Variants in WWOX observed in about 807,000 individuals in gnomAD.
The protein encoded by WWOX is WW domain containing oxidoreductase.
A neutral mutation model predicts 46.2 loss-of-function variants in WWOX; 69 were observed. That is an observed-to-expected ratio of 1.49 (90% CI 1.23 to 1.82). WWOX has a LOEUF of 1.82. Ranked by LOEUF, WWOX falls within the 40% of genes most tolerant of loss-of-function variation. The pLI is 0.00. For synonymous variants in WWOX, 359 were observed against 202.6 expected, an observed-to-expected ratio of 1.77 and a Z score of -6.56; for missense variants, 919 against 542.6, an observed-to-expected ratio of 1.69 and a Z score of -6.89.
chr16:78,846,307 G>A (rs553798611), intron 8 of WWOX, among the ~76,000 whole-genome samples: 1 of 152,126 alleles, frequency 6.6e-6, no homozygotes, highest in South Asian at 2.1e-4. Flanking sequence ...GACTATAACT[G>A]ACCAACAGAC....
chr16:78,831,113 C>G lies in WWOX; in HGVS notation c.1057-380495C>G, dbSNP rs190401171. On this transcript the variant is annotated intron_variant, in intron 8 of 8. Transcript: ENST00000566780. ...CTAGCCCTCCAGAGCTTGCAGCTAT[C>G]ACAGCCTGGCTGGTGGAGGGGCTTG... Among the ~76,000 whole-genome samples, 197 of 152,290 alleles carry G rather than the reference C, an allele frequency of 1.3e-3. 2 individuals are homozygous for G. The East Asian group carries it at 0.02, about 16-fold the overall frequency.
chr16:78,696,957 C>T (rs1184323957), intron 8 of WWOX, among the ~76,000 whole-genome samples: 1 of 152,070 alleles, frequency 6.6e-6, no homozygotes, highest in Non-Finnish European at 1.5e-5. Context: ...GAATAATGGT[C>T]TCCAGTCCCA....
intron 8 of WWOX, among the ~76,000 whole-genome samples, chr16:78,490,432 C>G: frequency 6.6e-6 from 1 of 152,132 alleles, no homozygotes; most frequent in Non-Finnish European, 1.5e-5. Flanking sequence ...CTTTGGTGCT[C>G]GTAATTGGTG....
intron 8 of WWOX, among the ~76,000 whole-genome samples, chr16:79,107,541 A>G (rs2049335048): frequency 6.6e-6 from 1 of 152,172 alleles, no homozygotes; most frequent in African/African-American, 2.4e-5. Flanking sequence ...TTCACTTTTT[A>G]TCTTTTGGAT....
At chr16:78,616,809 C>T (rs79814385) in intron 8 of WWOX, among the ~76,000 whole-genome samples, 2,588 of 152,164 alleles carry the variant, frequency 0.017, 63 homozygotes, top group African/African-American at 0.059. Context: ...ACTAACCCTA[C>T]TCAGGAAGCC....
chr16:78,335,571 A>G (rs1475387061), intron 5 of WWOX, among the ~76,000 whole-genome samples: 2 of 152,158 alleles, frequency 1.3e-5, no homozygotes, highest in East Asian at 3.8e-4. Context: ...GTGAAATACC[A>G]TTTGACCCAG....
rs548025492 is a variant in WWOX, at chr16:78,540,931, C to T, written c.1056+108179C>T. Among the ~76,000 whole-genome samples the T allele has an allele frequency of 1.1e-3, 175 of 152,264 alleles. 1 individual carries two copies. Among genetic ancestry groups the T allele is most frequent in the South Asian group, 3.3e-3 (16 of 4,822 alleles). On this transcript the variant is annotated intron_variant, in intron 8 of 8. Transcript: ENST00000566780. ...GAACTCCTGGCTTCAAGTGATCCTC[C>T]TGCCTTGAGCTCCCGAAGCGCTGGG...
At chr16:78,609,985 A>G (rs962052770) in intron 8 of WWOX, among the ~76,000 whole-genome samples, 11 of 145,328 alleles carry the variant, frequency 7.6e-5, no homozygotes, top group African/African-American at 2.8e-4. Context: ...CCTTTAAGTA[A>G]CAGTGACGCA....
At chr16:78,980,236 T>C (rs1420867536) in intron 8 of WWOX, among the ~76,000 whole-genome samples, 2 of 152,218 alleles carry the variant, frequency 1.3e-5, no homozygotes, top group Non-Finnish European at 2.9e-5. Flanking sequence ...TTTTTAAATC[T>C]TTGCTGTGAA....
chr16:78,234,056 T>C (rs1287966653), intron 5 of WWOX, among the ~76,000 whole-genome samples: 2 of 152,118 alleles, frequency 1.3e-5, no homozygotes, highest in Non-Finnish European at 2.9e-5. Context: ...GGGACCAGCA[T>C]TTTAATTACC....
intron 8 of WWOX, among the ~76,000 whole-genome samples, chr16:78,615,734 T>C (rs2046006813): frequency 6.6e-6 from 1 of 151,934 alleles, no homozygotes; most frequent in Non-Finnish European, 1.5e-5. Context: ...AAATGCTGTT[T>C]TAGGAAATCA....
rs114715266 is a variant in WWOX, at chr16:78,470,614, C to T, written c.1056+37862C>T. ...GCACCATCTTGACTTACTGAAACCTCCTCCTCCTGGATTCAAGCCATTCTC... is the reference window on the plus strand; with the variant it reads ...GCACCATCTTGACTTACTGAAACCTTCTCCTCCTGGATTCAAGCCATTCTC... On this transcript the variant is annotated intron_variant, in intron 8 of 8. Coordinates refer to ENST00000566780, the MANE Select transcript of WWOX (RefSeq NM_016373.4). 5.8e-3 allele frequency among the ~76,000 whole-genome samples: 885 copies of T among 152,314 alleles called. 10 individuals are homozygous for T. Among genetic ancestry groups the T allele is most frequent in the African/African-American group, 0.02 (848 of 41,560 alleles).
At chr16:78,669,307 G>A (rs1315618321) in intron 8 of WWOX, among the ~76,000 whole-genome samples, 4 of 152,230 alleles carry the variant, frequency 2.6e-5, no homozygotes, top group Non-Finnish European at 5.9e-5. Context: ...ATGGATTTGT[G>A]TCTATAAACA....
chr16:78,870,542 A>C lies in WWOX; in HGVS notation c.1057-341066A>C, dbSNP rs192156984. On this transcript the variant is annotated intron_variant, in intron 8 of 8. Coordinates refer to ENST00000566780, the MANE Select transcript of WWOX (RefSeq NM_016373.4). ...AAAAACCCTTACTGATCTTTTAAAT[A>C]TGTAATTCTTCCTCCTCTTCTCCCC... is the stretch of plus-strand genomic sequence containing the variant. 6.6e-5 allele frequency among the ~76,000 whole-genome samples: 10 copies of C among 151,988 alleles called. No homozygotes were observed. In the East Asian group the frequency reaches 1.9e-3, roughly 30 times the overall value.
At chr16:78,527,056 C>G (rs1269659336) in intron 8 of WWOX, among the ~76,000 whole-genome samples, 2 of 152,098 alleles carry the variant, frequency 1.3e-5, no homozygotes, top group Non-Finnish European at 2.9e-5. Flanking sequence ...CCCTGCTACA[C>G]AGGAAGCTGA....
At chr16:78,734,306 C>G (rs769177479) in intron 8 of WWOX, among the ~76,000 whole-genome samples, 24 of 152,078 alleles carry the variant, frequency 1.6e-4, no homozygotes, top group Non-Finnish European at 3.2e-4. Context: ...ACATGCATCT[C>G]AGGAGGGTAG....
chr16:78,844,876 C>A (rs1025818575), intron 8 of WWOX, among the ~76,000 whole-genome samples: 1 of 152,178 alleles, frequency 6.6e-6, no homozygotes, highest in Non-Finnish European at 1.5e-5. Flanking sequence ...AGGGACTGAG[C>A]ATACACCAAA....
intron 8 of WWOX, among the ~76,000 whole-genome samples, chr16:79,037,565 G>C (rs1284203099): frequency 6.6e-6 from 1 of 152,160 alleles, no homozygotes; most frequent in South Asian, 2.1e-4. Context: ...ATTTAAATCT[G>C]TGTGTTTACA....
chr16:78,108,282 G>A, intron 1 of WWOX, 141 bp from the exon 2 acceptor site: 1 of 808,284 alleles, frequency 1.2e-6, no homozygotes. Context: ...CCGTAGCTGG[G>A]GTCACAGTCC....
Sources: allele counts gnomAD v4.1 joint callset (sites outside exome capture counted in the v4.1 genomes callset), GRCh38; gene constraint gnomAD v4.1.1; transcripts MANE v1.5; gene names NCBI Gene and HGNC (gene_info 2026-07-23, HGNC 2026-07-21).